Variants in PAFAH1B2 observed in about 807,000 individuals in gnomAD.
The protein encoded by PAFAH1B2 is platelet-activating factor acetylhydrolase IB subunit alpha2.
In PAFAH1B2, 8 loss-of-function variants were observed where a neutral mutation model predicts 28.0. The observed-to-expected ratio is 0.29, with a 90% confidence interval of 0.17 to 0.52. The LOEUF (loss-of-function observed/expected upper bound fraction) is 0.52, where lower values mean the gene tolerates loss of function less well. Ranked by LOEUF, PAFAH1B2 falls within the 20% of genes least tolerant of loss-of-function variation. The pLI is 0.97. For synonymous variants in PAFAH1B2, 104 were observed against 103.2 expected (o/e 1.01, Z -0.05); for missense variants, 190 against 282.6 (o/e 0.67, Z 2.35).
At chr11:117,146,412 A>C (rs12287494) in intron 1 of PAFAH1B2, among the ~76,000 whole-genome samples, 3 of 152,112 alleles carry the variant, frequency 2.0e-5, no homozygotes, top group African/African-American at 7.2e-5. Context: ...GCGTCTTACC[A>C]CTGGGTAGCT....
At chr11:117,145,501 T>C (rs1955982168) in intron 1 of PAFAH1B2, among the ~76,000 whole-genome samples, 1 of 152,182 alleles carries the variant, frequency 6.6e-6, no homozygotes, top group South Asian at 2.1e-4. Flanking sequence ...TAAGATTGTC[T>C]TTGCCTTGGA....
At chr11:117,157,226 T>C (rs12291885) in intron 2 of PAFAH1B2, among the ~76,000 whole-genome samples, 6,707 of 152,104 alleles carry the variant, frequency 0.044, 167 homozygotes, top group African/African-American at 0.065. Flanking sequence ...GAAAAAGCTG[T>C]CCCTAATCCT....
intron 4 of PAFAH1B2, 106 bp downstream of exon 4, chr11:117,161,367 CTA>C: frequency 1.5e-6 from 1 of 652,462 alleles, no homozygotes; most frequent in Admixed American, 3.0e-5. Context: ...ACCTATTTCA[CTA>C]TTTTTTTCGT....
chr11:117,168,041 G>A lies in PAFAH1B2; in HGVS notation c.*342G>A. Reference sequence around the variant, plus strand: ...TGAACAATATGAAGATTCTTTTCTTGGCCTTTCTGTGGATTATGTCATATA... The same window carrying A: ...TGAACAATATGAAGATTCTTTTCTTAGCCTTTCTGTGGATTATGTCATATA... On this transcript the variant is annotated 3_prime_UTR_variant, in exon 6 of 6. Coordinates refer to ENST00000527958, the MANE Select transcript of PAFAH1B2 (RefSeq NM_002572.4). 6 of 1,066,984 alleles carry A rather than the reference G, an allele frequency of 5.6e-6. No individual in the cohort carries two copies. In the South Asian group the frequency reaches 2.3e-4, roughly 40 times the overall value. The allele number at this position is 1,066,984 out of a possible 1,614,324, so 66.1% of individuals were successfully genotyped here.
intron 1 of PAFAH1B2, among the ~76,000 whole-genome samples, chr11:117,146,649 C>T (rs1325954700): frequency 6.6e-6 from 1 of 151,948 alleles, no homozygotes; most frequent in Admixed American, 6.6e-5. Flanking sequence ...AGCTGTGTTA[C>T]GCCACTTCAC....
chr11:117,159,803 C>A (rs1956332244), intron 2 of PAFAH1B2, 131 bp from the exon 3 acceptor site: 3 of 637,670 alleles, frequency 4.7e-6, no homozygotes, highest in Admixed American at 2.6e-5. Flanking sequence ...ATTACCCAGG[C>A]TGATCTCAAA....
At chr11:117,159,733 T>C (rs1956328502) in intron 2 of PAFAH1B2, 1 of 510,804 alleles carries the variant, frequency 2.0e-6, no homozygotes, top group Non-Finnish European at 3.5e-6. Context: ...AGACGCTGTC[T>C]TAGAAAAAAA....
Position 117,168,124 on chromosome 11 carries a change from A to G in PAFAH1B2, c.*425A>G. The G allele has an allele frequency of 9.5e-7, 1 of 1,053,336 alleles. No homozygotes were observed. The highest frequency in any genetic ancestry group is 1.1e-6 in the Non-Finnish European group (1 of 870,548). 65.2% of individuals were successfully genotyped at this position (1,053,336 alleles called of 1,614,324 possible). ...AAAACATGTTTTCTCCAATTTTTTT[A>G]AGGTTCATAATTTAGCCTTTTGTTT... is the stretch of plus-strand genomic sequence containing the variant. On this transcript the variant is annotated 3_prime_UTR_variant, in exon 6 of 6. Coordinates refer to ENST00000527958, the MANE Select transcript of PAFAH1B2 (RefSeq NM_002572.4).
At chr11:117,157,087 G>GT in intron 2 of PAFAH1B2, among the ~76,000 whole-genome samples, 1 of 150,866 alleles carries the variant, frequency 6.6e-6, no homozygotes, top group East Asian at 1.9e-4. Context: ...GCAATAGGGA[G>GT]TTGACATGAT....
rs1278976227 is a variant in PAFAH1B2, at chr11:117,170,066, G to A, written c.*2367G>A. The A allele has an allele frequency of 9.5e-7, 1 of 1,055,690 alleles. No individual in the cohort carries two copies. The highest frequency in any genetic ancestry group is 1.7e-5 in the African/African-American group (1 of 60,504). The allele number at this position is 1,055,690 out of a possible 1,614,324, so 65.4% of individuals were successfully genotyped here. On this transcript the variant is annotated 3_prime_UTR_variant, in exon 6 of 6. Transcript: ENST00000527958. ...TTAAATAAAATTCTGCCCCATTACT[G>A]ATGTGCAGATATTGAGTTCACTTTC...
At chr11:117,160,155 A>G (rs1956342206) in intron 3 of PAFAH1B2, 132 bp downstream of exon 3, 2 of 690,966 alleles carry the variant, frequency 2.9e-6, no homozygotes, top group African/African-American at 1.8e-5. Context: ...TTATAAGAGA[A>G]TCAAAGCTAC....
At chr11:117,172,367 TATATATATATATATATATATATATATATA>T (rs1956670853), downstream of PAFAH1B2, among the ~76,000 whole-genome samples, 5 of 1,290 alleles carry the variant, frequency 3.9e-3, no homozygotes, top group African/African-American at 0.014. Flanking sequence ...TATATATATA[TATATATATATATATATATATATATATATA>T]TATATATATT....
chr11:117,168,048 C>T lies in PAFAH1B2; in HGVS notation c.*349C>T. 6.6e-6 allele frequency: 7 copies of T among 1,065,078 alleles called. No individual in the cohort carries two copies. The highest frequency in any genetic ancestry group is 8.0e-6 in the Non-Finnish European group (7 of 879,376). 66.0% of individuals were successfully genotyped at this position (1,065,078 alleles called of 1,614,324 possible). A position where few individuals can be genotyped will look rare whatever the true frequency, so the allele number is the denominator to read the frequency against. On this transcript the variant is annotated 3_prime_UTR_variant, in exon 6 of 6. Coordinates refer to ENST00000527958, the MANE Select transcript of PAFAH1B2 (RefSeq NM_002572.4). ...TATGAAGATTCTTTTCTTGGCCTTT[C>T]TGTGGATTATGTCATATATAATAAT...
chr11:117,152,957 T>C (rs1229343990), intron 2 of PAFAH1B2, among the ~76,000 whole-genome samples: 1 of 152,082 alleles, frequency 6.6e-6, no homozygotes, highest in African/African-American at 2.4e-5. Flanking sequence ...TCCCAGTTAC[T>C]GAGGAGGCTG....
rs142454861 is a variant in PAFAH1B2 at position 117,155,751 on chromosome 11, G to A, written c.81+3223G>A. Among the ~76,000 whole-genome samples the A allele has an allele frequency of 1.0e-3, 157 of 152,170 alleles. 1 individual carries two copies. Among genetic ancestry groups the A allele is most frequent in the Middle Eastern group, 0.01 (3 of 294 alleles). The stretch of plus-strand genomic sequence containing the variant: ...ATTCACAAAAAGAGGCCACTGGCAA[G>A]TCTGTCCACAGGAAGAAGAGTGTGA... On this transcript the variant is annotated intron_variant, in intron 2 of 5. Transcript: ENST00000527958.
intron 5 of PAFAH1B2, among the ~76,000 whole-genome samples, chr11:117,165,525 A>C (rs930599864): frequency 1.3e-5 from 2 of 152,194 alleles, no homozygotes; most frequent in African/African-American, 4.8e-5. Context: ...TGAGCATACA[A>C]AAATGAGTAA....
chr11:117,170,192 C>G lies in PAFAH1B2; in HGVS notation c.*2493C>G. Reference sequence around the variant, plus strand: ...TCAGTGACAGAACTTACTGCTTAGTCTTTGTACTTTTTAAAAAATCTATAA... The same window carrying G: ...TCAGTGACAGAACTTACTGCTTAGTGTTTGTACTTTTTAAAAAATCTATAA... On this transcript the variant is annotated 3_prime_UTR_variant, in exon 6 of 6. Transcript: ENST00000527958. 9.5e-7 allele frequency: 1 copy of G among 1,056,864 alleles called. No individual in the cohort carries two copies. Among genetic ancestry groups the G allele is most frequent in the Non-Finnish European group, 1.1e-6 (1 of 874,130 alleles). The allele number at this position is 1,056,864 out of a possible 1,614,324, so 65.5% of individuals were successfully genotyped here. A position where few individuals can be genotyped will look rare whatever the true frequency, so the allele number is the denominator to read the frequency against.
downstream of PAFAH1B2, among the ~76,000 whole-genome samples, chr11:117,173,123 GT>G (rs1956708745): frequency 6.6e-6 from 1 of 152,218 alleles, no homozygotes; most frequent in Admixed American, 6.5e-5. Context: ...TTATCTGCTT[GT>G]TTTCTGCAAC....
intron 5 of PAFAH1B2, among the ~76,000 whole-genome samples, chr11:117,164,670 T>C (rs1263486697): frequency 6.6e-6 from 1 of 152,180 alleles, no homozygotes; most frequent in East Asian, 1.9e-4. Context: ...AGAAAGGTGC[T>C]ACCCTTTTGT....
Sources: gnomAD v4.1 joint callset for allele counts (sites outside exome capture counted in the v4.1 genomes callset) on GRCh38, gnomAD v4.1.1 for gene constraint, MANE v1.5 for transcripts, NCBI Gene and HGNC (gene_info 2026-07-23, HGNC 2026-07-21) for gene names.